Variants in ZDHHC4 observed in about 807,000 individuals in gnomAD.
ZDHHC4 encodes the protein zDHHC palmitoyltransferase 4.
In ZDHHC4, 42 loss-of-function variants were observed where a neutral mutation model predicts 36.7. The observed-to-expected ratio is 1.14, with a 90% CI of 0.89 to 1.48. The LOEUF is 1.48. ZDHHC4 is among the 40% of genes most tolerant of loss of function. The probability of loss-of-function intolerance (pLI) is 0.00; values close to 1 mark genes in which losing one functional copy is unlikely to be tolerated. For missense variants in ZDHHC4, 457 were observed against 421.5 expected (o/e 1.08, Z -0.74); for synonymous variants, 189 against 166.6 (o/e 1.13, Z -1.03).
rs896781561 is a variant in ZDHHC4, at chr7:6,586,560, C to T, written c.741+1300C>T. On this transcript the variant is annotated intron_variant, in intron 7 of 7. Coordinates refer to ENST00000335965, the MANE Select transcript of ZDHHC4 (RefSeq NM_001134389.2). Reference sequence around the variant, plus strand: ...GTGTGATCTTGGCTCACTGCAACCTCTGCCTCTCAGGTTCAAGCAATTCTC... The same window carrying T: ...GTGTGATCTTGGCTCACTGCAACCTTTGCCTCTCAGGTTCAAGCAATTCTC... Among the ~76,000 whole-genome samples the T allele has an allele frequency of 3.3e-5, 5 of 152,144 alleles. No individual in the cohort carries two copies. The East Asian group carries it at 9.6e-4, about 29-fold the overall frequency.
chr7:6,588,196 A>G (rs1413954018), intron 7 of ZDHHC4, among the ~76,000 whole-genome samples: 1 of 152,228 alleles, frequency 6.6e-6, no homozygotes, highest in Admixed American at 6.5e-5. Flanking sequence ...AAGGAAAAAA[A>G]CTTCGGAAGA....
At position 6,577,926 on chromosome 7, in the gene ZDHHC4, G is replaced by A. The variant is rs548686811; in HGVS notation, c.-163+428G>A. 2.7e-4 allele frequency among the ~76,000 whole-genome samples: 41 copies of A among 152,258 alleles called. No individual in the cohort carries two copies. The East Asian group carries it at 7.0e-3, about 26-fold the overall frequency. On this transcript the variant is annotated intron_variant, in intron 1 of 7. Transcript: ENST00000335965. ...CGGCTTACTGCACCCTCCGCCTCCC[G>A]GATTCAAGCAATTCTGCCTCAGCCT...
At chr7:6,580,057 C>T (rs921555179) in intron 2 of ZDHHC4, among the ~76,000 whole-genome samples, 1 of 152,090 alleles carries the variant, frequency 6.6e-6, no homozygotes, top group Non-Finnish European at 1.5e-5. Flanking sequence ...ATTGCTTGAA[C>T]CTGGGAGGCG....
At chr7:6,587,706 T>C (rs1781334673) in intron 7 of ZDHHC4, among the ~76,000 whole-genome samples, 1 of 152,188 alleles carries the variant, frequency 6.6e-6, no homozygotes, top group Non-Finnish European at 1.5e-5. Context: ...GAGTTTACCC[T>C]TCCTGACGGA....
intron 4 of ZDHHC4, 33 bp from the exon 5 acceptor site, chr7:6,582,040 C>A: frequency 1.3e-6 from 2 of 1,586,012 alleles, no homozygotes; most frequent in Non-Finnish European, 8.6e-7. Context: ...AAGAAGAAAC[C>A]CCCATGAACA....
intron 4 of ZDHHC4, 80 bp from the exon 5 acceptor site, chr7:6,581,993 C>T: frequency 2.8e-6 from 4 of 1,411,960 alleles, no homozygotes; most frequent in South Asian, 1.4e-5. Context: ...AAGTGGTTGG[C>T]CGTTGGTTAC....
chr7:6,585,322 C>T lies in ZDHHC4; in HGVS notation c.741+62C>T, dbSNP rs549178899. On this transcript the variant is annotated intron_variant, in intron 7 of 7. Transcript: ENST00000335965. ...AATCGCAAAAAAGACATTTATTTTT[C>T]CAGTAAAAGCATGAAGTTAGGTGGG... The T allele has an allele frequency of 2.1e-5, 33 of 1,579,018 alleles. No homozygotes were observed. The South Asian group carries it at 3.8e-4, about 18-fold the overall frequency.
intron 7 of ZDHHC4, among the ~76,000 whole-genome samples, chr7:6,586,934 A>T (rs1781283215): frequency 1.3e-5 from 2 of 152,158 alleles, no homozygotes; most frequent in African/African-American, 4.8e-5. Context: ...TTTTGTGTGG[A>T]CATAGGTTTT....
intron 7 of ZDHHC4, among the ~76,000 whole-genome samples, chr7:6,587,664 GCTC>G (rs1441464705): frequency 6.6e-6 from 1 of 152,000 alleles, no homozygotes. Flanking sequence ...ATTTTTCATG[GCTC>G]CTCGTTTTCC....
Position 6,580,135 on chromosome 7 carries a change from CA to C in ZDHHC4, c.-7-409del, listed in dbSNP as rs899630486. On this transcript the variant is annotated intron_variant, in intron 2 of 7. Coordinates refer to ENST00000335965, the MANE Select transcript of ZDHHC4 (RefSeq NM_001134389.2). ...GGGTAACAAGAGTGAAACTCTGTCT[CA>C]AAAAAAAAAAGTTTATCTTTCTTTT... Among the ~76,000 whole-genome samples, 471 of 144,670 alleles carry C rather than the reference CA, an allele frequency of 3.3e-3. 3 individuals are homozygous for C. Among genetic ancestry groups the C allele is most frequent in the African/African-American group, 9.7e-3 (383 of 39,528 alleles). 94.9% of individuals were successfully genotyped at this position (144,670 alleles called of 152,430 possible).
At chr7:6,586,759 A>T (rs1412525107) in intron 7 of ZDHHC4, among the ~76,000 whole-genome samples, 1 of 152,194 alleles carries the variant, frequency 6.6e-6, no homozygotes, top group African/African-American at 2.4e-5. Flanking sequence ...TACAGGCATG[A>T]AACCCCGTGC....
At chr7:6,584,955 T>C in intron 6 of ZDHHC4, 61 bp from the exon 7 acceptor site, 3 of 1,596,458 alleles carry the variant, frequency 1.9e-6, no homozygotes, top group South Asian at 2.2e-5. Context: ...TCTCAGCAGG[T>C]GTGCGGTGTC....
At chr7:6,586,240 G>T (rs1167637630) in intron 7 of ZDHHC4, among the ~76,000 whole-genome samples, 2 of 151,780 alleles carry the variant, frequency 1.3e-5, no homozygotes, top group Non-Finnish European at 2.9e-5. Context: ...TCACAGACTT[G>T]TTCAGCCCTC....
intron 6 of ZDHHC4, 157 bp downstream of exon 6, chr7:6,583,588 A>G (rs1288651287): frequency 9.7e-7 from 1 of 1,032,288 alleles, no homozygotes; most frequent in Non-Finnish European, 1.4e-6. Context: ...TTTCTTTCAG[A>G]TGAGTGAGGG....
intron 1 of ZDHHC4, chr7:6,577,788 G>C (rs958360379): frequency 6.6e-6 from 1 of 152,104 alleles, no homozygotes; most frequent in South Asian, 2.1e-4. Flanking sequence ...CAAGGCTACC[G>C]ACTTGGCTTA....
chr7:6,584,944 A>G, intron 6 of ZDHHC4, 72 bp from the exon 7 acceptor site: 2 of 1,581,794 alleles, frequency 1.3e-6, no homozygotes. Flanking sequence ...GATTATGAAA[A>G]TCTCAGCAGG....
intron 7 of ZDHHC4, among the ~76,000 whole-genome samples, chr7:6,588,331 A>C (rs1781396881): frequency 1.3e-5 from 2 of 152,258 alleles, no homozygotes; most frequent in Non-Finnish European, 2.9e-5. Context: ...TGAAGTCTGC[A>C]TTTATTTTAT....
intron 7 of ZDHHC4, among the ~76,000 whole-genome samples, chr7:6,587,201 C>G (rs1311366438): frequency 2.0e-5 from 3 of 152,132 alleles, no homozygotes; most frequent in Non-Finnish European, 1.5e-5. Context: ...GCCACCATGA[C>G]TGGCCCAGAA....
intron 3 of ZDHHC4, 37 bp from the exon 4 acceptor site, chr7:6,581,570 A>C: frequency 6.6e-7 from 1 of 1,518,724 alleles, no homozygotes; most frequent in Non-Finnish European, 9.1e-7. Flanking sequence ...AGGAAGTGAG[A>C]AATGAAATTG....
Sources: allele counts gnomAD v4.1 joint callset (sites outside exome capture counted in the v4.1 genomes callset), GRCh38; gene constraint gnomAD v4.1.1; transcripts MANE v1.5; gene names NCBI Gene and HGNC (gene_info 2026-07-23, HGNC 2026-07-21).